ANGEL1: variants seen among roughly 807,000 people sequenced by gnomAD.
The protein encoded by ANGEL1 is RNA 2',3'-cyclic phosphatase ANGEL1.
In ANGEL1, 62 loss-of-function variants were observed where a neutral mutation model predicts 76.4. The observed-to-expected ratio is 0.81, with a 90% confidence interval of 0.66 to 1.00. The LOEUF is 1.00. Among genes scored for constraint, ANGEL1 ranks in the 50% least tolerant of loss-of-function variants. The pLI is 0.00. For missense variants in ANGEL1, 737 were observed against 836.7 expected, an observed-to-expected ratio of 0.88 and a Z score of 1.47; for synonymous variants, 340 against 331.7, an observed-to-expected ratio of 1.03 and a Z score of -0.27.
At position 76,806,504 on chromosome 14, in the gene ANGEL1, C is replaced by A. The variant is rs139780474; in HGVS notation, c.1292G>T (p.Cys431Phe). 114 of 1,614,188 alleles carry A rather than the reference C, an allele frequency of 7.1e-5. No homozygotes were observed. In the African/African-American group the frequency reaches 1.4e-3, roughly 20 times the overall value. The change falls in exon 5 of 10, where the codon TGC becomes TTC. Residue 431 changes from cysteine to phenylalanine, a missense_variant. Transcript: ENST00000251089. ...SDGSHCPIIL[C>F]GDLNSVPDSP... ...ATCAGGGACAGAATTTAGGTCCCCG[C>A]ACAAGATGATGGGGCAGTGGCTGCC...
At position 76,809,556 on chromosome 14, in the gene ANGEL1, C is replaced by A. The variant is rs755711562; in HGVS notation, c.152G>T (p.Gly51Val). 6.2e-7 allele frequency: 1 copy of A among 1,614,200 alleles called. No individual in the cohort carries two copies. Among genetic ancestry groups the A allele is most frequent in the South Asian group, 1.1e-5 (1 of 91,084 alleles). ...VEGDFAMAPRGPEQEECEGLL... is the reference protein window; with the variant it reads ...VEGDFAMAPRVPEQEECEGLL... ...GCCCTCACATTCCTCCTGCTCAGGG[C>A]CCCGAGGGGCCATGGCAAAGTCGCC... Residue 51 changes from glycine to valine, a missense_variant, in exon 2 of 10, where the codon GGC (glycine) becomes GTC (valine). Coordinates refer to ENST00000251089, the MANE Select transcript of ANGEL1 (RefSeq NM_015305.4).
chr14:76,806,501 C>T lies in ANGEL1; in HGVS notation c.1295G>A (p.Gly432Glu). 1 of 1,614,192 alleles carries T rather than the reference C, an allele frequency of 6.2e-7. No homozygotes were observed. Among genetic ancestry groups the T allele is most frequent in the South Asian group, 1.1e-5 (1 of 91,082 alleles). The change falls in exon 5 of 10, where the codon GGG becomes GAG. Residue 432 changes from glycine to glutamate, a missense_variant. By Grantham distance (98) the Gly-to-Glu change is moderately conservative. This residue lies in a region of ANGEL1 where 296 missense variants were observed against 387.2 expected (regional missense o/e 0.76). Coordinates refer to ENST00000251089, the MANE Select transcript of ANGEL1 (RefSeq NM_015305.4). ...TGAATCAGGGACAGAATTTAGGTCC[C>T]CGCACAAGATGATGGGGCAGTGGCT... Reference protein sequence around the residue: ...DGSHCPIILCGDLNSVPDSPL... With the variant: ...DGSHCPIILCEDLNSVPDSPL...
chr14:76,793,912 G>A (rs192940498), intron 7 of ANGEL1, among the ~76,000 whole-genome samples: 26 of 152,180 alleles, frequency 1.7e-4, no homozygotes, highest in African/African-American at 5.5e-4. Flanking sequence ...GAATGTGGTC[G>A]CTCTCTCCCT....
At chr14:76,789,958 G>A (rs912092973) in intron 9 of ANGEL1, among the ~76,000 whole-genome samples, 2 of 150,956 alleles carry the variant, frequency 1.3e-5, no homozygotes, top group East Asian at 2.0e-4. Context: ...TCTGCCTCCC[G>A]AGTTCAAGCG....
intron 5 of ANGEL1, among the ~76,000 whole-genome samples, chr14:76,805,198 T>C (rs1204116052): frequency 6.6e-6 from 1 of 152,186 alleles, no homozygotes; most frequent in Non-Finnish European, 1.5e-5. Flanking sequence ...GGTCCCATTA[T>C]ATCCCCCATC....
At chr14:76,791,869 A>G (rs548758250) in intron 7 of ANGEL1, among the ~76,000 whole-genome samples, 22 of 152,264 alleles carry the variant, frequency 1.4e-4, no homozygotes, top group Non-Finnish European at 2.8e-4. Context: ...ATCTATAAGC[A>G]CACACACACA....
At chr14:76,796,342 G>A (rs921873467) in intron 7 of ANGEL1, among the ~76,000 whole-genome samples, 2 of 148,892 alleles carry the variant, frequency 1.3e-5, no homozygotes, top group Non-Finnish European at 3.0e-5. Flanking sequence ...TTGACCTTCC[G>A]GGCTCAAGTT....
At chr14:76,808,883 A>T (rs576381362) in intron 2 of ANGEL1, among the ~76,000 whole-genome samples, 176 bp downstream of exon 2, 40 of 152,260 alleles carry the variant, frequency 2.6e-4, no homozygotes, top group African/African-American at 9.6e-4. Context: ...CTTTAAAACC[A>T]TGGGGCTGGA....
At chr14:76,799,705 G>C (rs1488742127) in intron 7 of ANGEL1, among the ~76,000 whole-genome samples, 3 of 152,104 alleles carry the variant, frequency 2.0e-5, no homozygotes, top group African/African-American at 4.8e-5. Flanking sequence ...CAAGAGTTCG[G>C]GACCAGCCTG....
chr14:76,792,491 A>G (rs1392715113), intron 7 of ANGEL1, among the ~76,000 whole-genome samples: 1 of 152,238 alleles, frequency 6.6e-6, no homozygotes, highest in African/African-American at 2.4e-5. Flanking sequence ...AAATTCCTCA[A>G]TAAAATATCA....
chr14:76,801,737 TTTTA>T (rs1211600441), intron 7 of ANGEL1, among the ~76,000 whole-genome samples: 37 of 152,322 alleles, frequency 2.4e-4, no homozygotes, highest in Middle Eastern at 6.8e-3. Flanking sequence ...TTTGTAATGT[TTTTA>T]TTTTTTATTC....
chr14:76,794,145 A>G (rs899618422), intron 7 of ANGEL1, among the ~76,000 whole-genome samples: 2 of 152,220 alleles, frequency 1.3e-5, no homozygotes, highest in Non-Finnish European at 2.9e-5. Flanking sequence ...AAGTAAATGG[A>G]AAGTGACTCA....
chr14:76,796,694 A>G (rs79360507), intron 7 of ANGEL1, among the ~76,000 whole-genome samples: 3,578 of 152,282 alleles, frequency 0.023, 119 homozygotes, highest in East Asian at 0.15. Flanking sequence ...TATGAATCAG[A>G]TTTATCATCC....
Position 76,807,542 on chromosome 14 carries a change from G to A in ANGEL1, c.877-40C>T, listed in dbSNP as rs372660050. ...AGAAACCCAATCACTCCAGAGTGCT[G>A]GAATGTGACCCCCACCCTCTAGGAG... On this transcript the variant is annotated intron_variant, in intron 3 of 9. Coordinates refer to ENST00000251089, the MANE Select transcript of ANGEL1 (RefSeq NM_015305.4). 31 of 1,601,056 alleles carry A rather than the reference G, an allele frequency of 1.9e-5. No individual in the cohort carries two copies. In the African/African-American group the frequency reaches 3.7e-4, roughly 19 times the overall value.
intron 4 of ANGEL1, among the ~76,000 whole-genome samples, chr14:76,807,159 G>C (rs1479426697): frequency 2.6e-5 from 4 of 152,218 alleles, no homozygotes; most frequent in Non-Finnish European, 5.9e-5. Context: ...TGATTCTGAG[G>C]AAGTCACATG....
At chr14:76,791,263 G>A in intron 8 of ANGEL1, 34 bp downstream of exon 8, 2 of 1,610,638 alleles carry the variant, frequency 1.2e-6, no homozygotes, top group Non-Finnish European at 1.7e-6. Flanking sequence ...GGCAAGGGCT[G>A]GATTGAAAAC....
chr14:76,802,794 T>C (rs1356592467), intron 7 of ANGEL1, among the ~76,000 whole-genome samples: 1 of 152,214 alleles, frequency 6.6e-6, no homozygotes. Flanking sequence ...CTAGCACCCC[T>C]GCACGATCTC....
chr14:76,807,442 G>A lies in ANGEL1; in HGVS notation c.937C>T (p.Arg313Ter), dbSNP rs556320163. The A allele has an allele frequency of 2.8e-5, 45 of 1,612,378 alleles. No individual in the cohort carries two copies. Among genetic ancestry groups the A allele is most frequent in the Non-Finnish European group, 3.6e-5 (43 of 1,179,236 alleles). ...CAGGGAGCTGCATTACCCATCATTC[G>A]CAGAGAGGGTTCCAGCTGCTCCCAG... ...HYWEQLEPSLRMMGFTCFYKR... is the reference protein window; with the variant it reads ...HYWEQLEPSL The change falls in exon 4 of 10, where the codon CGA becomes TGA. Residue 313 changes from arginine to a stop codon, truncating the protein, a stop_gained. Coordinates refer to ENST00000251089, the MANE Select transcript of ANGEL1 (RefSeq NM_015305.4). LOFTEE classifies it high-confidence loss of function.
rs779253663 is a variant in ANGEL1 at position 76,808,137 on chromosome 14, G to A, written c.661C>T (p.Arg221Ter). The change falls in exon 3 of 10, where the codon CGA becomes TGA. Residue 221 changes from arginine (R) to a stop codon, truncating the protein, a stop_gained. Transcript: ENST00000251089. LOFTEE classifies it high-confidence loss of function. ...TGGGTGGAGAAATCCTCCCATTCTCGCCACAAAATTTCTGCAAAGGATTGG... is the reference window on the plus strand; with the variant it reads ...TGGGTGGAGAAATCCTCCCATTCTCACCACAAAATTTCTGCAAAGGATTGG... ...VEIPYHEILW[R>*]EWEDFSTQPD... The A allele has an allele frequency of 1.1e-5, 17 of 1,613,224 alleles. No homozygotes were observed. Among genetic ancestry groups the A allele is most frequent in the South Asian group, 3.3e-5 (3 of 90,966 alleles).
Sources: allele counts gnomAD v4.1 joint callset (sites outside exome capture counted in the v4.1 genomes callset), GRCh38; gene constraint gnomAD v4.1.1; regional missense constraint gnomAD v4.1.1; transcripts MANE v1.5; gene names NCBI Gene and HGNC (gene_info 2026-07-23, HGNC 2026-07-21).